Variants in AAK1 observed in about 807,000 individuals in gnomAD.
The protein encoded by AAK1 is AP2 associated kinase 1, also known as AP2-associated protein kinase 1.
In AAK1, 37 loss-of-function variants were observed where a neutral mutation model predicts 116.0. The observed-to-expected ratio is 0.32, with a 90% CI of 0.25 to 0.42. The LOEUF (loss-of-function observed/expected upper bound fraction) is 0.42. Ranked by LOEUF, AAK1 falls within the 10% of genes least tolerant of loss-of-function variation. The pLI is 1.00. For synonymous variants in AAK1, 458 were observed against 439.9 expected (o/e 1.04, Z -0.51); for missense variants, 919 against 1,170.6 (o/e 0.79, Z 3.14).
At chr2:69,546,379 A>G (rs1361891421) in intron 3 of AAK1, among the ~76,000 whole-genome samples, 1 of 152,194 alleles carries the variant, frequency 6.6e-6, no homozygotes, top group Admixed American at 6.5e-5. Context: ...TGGGACTCAC[A>G]TTTTAGTGGC....
chr2:69,553,259 C>G (rs1671250379), intron 3 of AAK1, among the ~76,000 whole-genome samples: 1 of 152,024 alleles, frequency 6.6e-6, no homozygotes, highest in Non-Finnish European at 1.5e-5. Context: ...ATATATGGGT[C>G]ACTCCCAACG....
intron 2 of AAK1, chr2:69,597,798 G>A: frequency 6.3e-6 from 1 of 157,624 alleles, no homozygotes; most frequent in Non-Finnish European, 1.4e-5. Context: ...CTTGAGCCCA[G>A]AAGGTCAAGG....
rs1428359935 is a variant in AAK1, at chr2:69,465,983, G to A, written c.*9886C>T. 1 of 1,290,802 alleles carries A rather than the reference G, an allele frequency of 7.7e-7. No individual in the cohort carries two copies. Among genetic ancestry groups the A allele is most frequent in the Admixed American group, 2.3e-5 (1 of 43,536 alleles). The allele number at this position is 1,290,802 out of a possible 1,614,324, so 80.0% of individuals were successfully genotyped here. A position where few individuals can be genotyped will look rare whatever the true frequency, so the allele number is the denominator to read the frequency against. On this transcript the variant is annotated 3_prime_UTR_variant, in exon 22 of 22. Coordinates refer to ENST00000409085, the MANE Select transcript of AAK1 (RefSeq NM_014911.5). ...ACTCCTCCATGCTTTTCTTCTTAGT[G>A]AAAGGAGCTCTCAAAAACACGTCTG...
chr2:69,519,159 G>A lies in AAK1; in HGVS notation c.1292C>T (p.Thr431Ile). Residue 431 changes from threonine to isoleucine, a missense_variant, in exon 12 of 22, where the codon ACT becomes ATT. Thr to Ile is a moderately conservative substitution (Grantham distance 89, BLOSUM62 -1). Around this residue, in one of 4 missense-constraint regions of AAK1, gnomAD observed 214 missense variants for 210.6 expected, o/e 1.02. Transcript: ENST00000409085. ...AGGAGCCTGTGGCTGCTTGGCCTGA[G>A]TTTGCGGCAGAGGCTGGCTGGGTGG... The part of the protein sequence containing the change: ...QAPPSQPLPQ[T>I]QAKQPQAPPT... 1.3e-6 allele frequency: 2 copies of A among 1,582,456 alleles called. No individual in the cohort carries two copies. Among genetic ancestry groups the A allele is most frequent in the Non-Finnish European group, 1.7e-6 (2 of 1,163,868 alleles).
intron 2 of AAK1, among the ~76,000 whole-genome samples, chr2:69,628,922 G>A (rs971793139): frequency 6.6e-6 from 1 of 152,154 alleles, no homozygotes; most frequent in African/African-American, 2.4e-5. Context: ...TTTGTTCCCA[G>A]AGGTACATAC....
At chr2:69,632,879 A>C (rs1675256733) in intron 2 of AAK1, among the ~76,000 whole-genome samples, 1 of 151,942 alleles carries the variant, frequency 6.6e-6, no homozygotes, top group Non-Finnish European at 1.5e-5. Flanking sequence ...TAAAAATGCA[A>C]AAAATTAGCC....
In AAK1 at chr2:69,466,489, C is replaced by G; in HGVS notation, c.*9380G>C. The G allele has an allele frequency of 3.2e-6, 4 of 1,259,222 alleles. No homozygotes were observed. Among genetic ancestry groups the G allele is most frequent in the Non-Finnish European group, 4.1e-6 (4 of 971,800 alleles). 78.0% of individuals were successfully genotyped at this position (1,259,222 alleles called of 1,614,324 possible). On this transcript the variant is annotated 3_prime_UTR_variant, in exon 22 of 22. Transcript: ENST00000409085. ...GGATACAGCGGAAGGCCTTTAACAC[C>G]CAGTGATTCTTTAAAGTGCTCTACA...
chr2:69,622,432 G>A (rs1426308531), intron 2 of AAK1, among the ~76,000 whole-genome samples: 8 of 152,058 alleles, frequency 5.3e-5, no homozygotes, highest in South Asian at 4.2e-4. Flanking sequence ...GCAGGTGCAC[G>A]GCACGGGACC....
At chr2:69,527,956 GC>G (rs1450788114) in intron 8 of AAK1, among the ~76,000 whole-genome samples, 3 of 152,162 alleles carry the variant, frequency 2.0e-5, no homozygotes, top group Non-Finnish European at 4.4e-5. Context: ...ACAACGCAAG[GC>G]AGCTGACTGC....
rs1674508577 is a variant in AAK1, at chr2:69,466,996, G to A, written c.*8873C>T. ...CAGAATCTGGCATGTGGTCATCCGC[G>A]CCACATGCAGAGGGACAAACTCTCT... On this transcript the variant is annotated 3_prime_UTR_variant, in exon 22 of 22. Coordinates refer to ENST00000409085, the MANE Select transcript of AAK1 (RefSeq NM_014911.5). 8 of 985,274 alleles carry A rather than the reference G, an allele frequency of 8.1e-6. No homozygotes were observed. Among genetic ancestry groups the A allele is most frequent in the Non-Finnish European group, 9.6e-6 (8 of 829,930 alleles). The allele number at this position is 985,274 out of a possible 1,614,324, so 61.0% of individuals were successfully genotyped here. A position where few individuals can be genotyped will look rare whatever the true frequency, so the allele number is the denominator to read the frequency against.
intron 5 of AAK1, among the ~76,000 whole-genome samples, chr2:69,536,805 AT>A (rs1253417075): frequency 3.3e-5 from 5 of 152,212 alleles, no homozygotes. Context: ...CAGTCAGAGA[AT>A]GTATTGCCAC....
intron 2 of AAK1, among the ~76,000 whole-genome samples, chr2:69,579,653 T>C (rs1672461909): frequency 6.6e-6 from 1 of 152,224 alleles, no homozygotes; most frequent in Non-Finnish European, 1.5e-5. Flanking sequence ...ACATGCTCAG[T>C]ATTTCCCCTA....
chr2:69,617,440 T>C (rs1674385847), intron 2 of AAK1, among the ~76,000 whole-genome samples: 1 of 152,228 alleles, frequency 6.6e-6, no homozygotes, highest in South Asian at 2.1e-4. Context: ...TTGCAAGATC[T>C]GTGAGTTAGG....
At chr2:69,633,899 G>A (rs937516928) in intron 2 of AAK1, among the ~76,000 whole-genome samples, 2 of 152,244 alleles carry the variant, frequency 1.3e-5, no homozygotes, top group Non-Finnish European at 2.9e-5. Flanking sequence ...GCCGGGCACA[G>A]TGGCTCACGC....
chr2:69,575,744 AGGCGTGAGACACCGTGCCC>A (rs1472730665), intron 2 of AAK1, among the ~76,000 whole-genome samples: 1 of 152,214 alleles, frequency 6.6e-6, no homozygotes, highest in Non-Finnish European at 1.5e-5. Flanking sequence ...CTAGGATTAC[AGGCGTGAGACACCGTGCCC>A]GGCCACAAAT....
chr2:69,483,424 C>T (rs539467638), intron 17 of AAK1, among the ~76,000 whole-genome samples: 2 of 152,170 alleles, frequency 1.3e-5, no homozygotes, highest in African/African-American at 4.8e-5. Context: ...TGTTTTTCTG[C>T]TGAGTCCTGT....
intron 2 of AAK1, among the ~76,000 whole-genome samples, chr2:69,624,465 A>T (rs1674806157): frequency 6.6e-6 from 1 of 151,980 alleles, no homozygotes; most frequent in Non-Finnish European, 1.5e-5. Flanking sequence ...TGTGGAATAT[A>T]TTCTTATTTT....
chr2:69,624,399 C>T (rs1674802839), intron 2 of AAK1, among the ~76,000 whole-genome samples: 1 of 152,122 alleles, frequency 6.6e-6, no homozygotes, highest in African/African-American at 2.4e-5. Context: ...AGACCTTTAA[C>T]ACAGAAAGAG....
chr2:69,512,063 C>G (rs1250112748), intron 13 of AAK1, among the ~76,000 whole-genome samples: 1 of 152,152 alleles, frequency 6.6e-6, no homozygotes, highest in Non-Finnish European at 1.5e-5. Context: ...AAGCAGAGCC[C>G]ATGTCTCCTG....
Sources: allele counts gnomAD v4.1 joint callset (sites outside exome capture counted in the v4.1 genomes callset), GRCh38; gene constraint gnomAD v4.1.1; regional missense constraint gnomAD v4.1.1; transcripts MANE v1.5; gene names NCBI Gene and HGNC (gene_info 2026-07-23, HGNC 2026-07-21).